The following SPOCD1 variants were observed in gnomAD, a reference collection of about 807,000 sequenced individuals.
SPOCD1 encodes SPOC domain containing 1, also known as SPOC domain-containing protein 1.
SPOCD1 carries 64 observed loss-of-function variants against 92.2 expected under a neutral mutation model. The observed-to-expected ratio is 0.69, with a 90% CI of 0.57 to 0.86. The LOEUF (loss-of-function observed/expected upper bound fraction) is 0.86. Among genes scored for constraint, SPOCD1 ranks in the 40% least tolerant of loss-of-function variants. The pLI is 0.00. For synonymous variants in SPOCD1, 578 were observed against 619.3 expected, an observed-to-expected ratio of 0.93 and a Z score of 0.99; for missense variants, 1,360 against 1,543.1, an observed-to-expected ratio of 0.88 and a Z score of 1.99.
chr1:31,803,032 G>GGGAAGAAGAGCAACA (rs58049037), intron 2 of SPOCD1, among the ~76,000 whole-genome samples: 99,051 of 149,338 alleles, frequency 0.66, 32,940 homozygotes, highest in South Asian at 0.72. Flanking sequence ...ACAGGGGTGT[G>GGGAAGAAGAGCAACA]GGAAGAATAT....
At chr1:31,806,013 G>A (rs1009595767) in intron 2 of SPOCD1, among the ~76,000 whole-genome samples, 6 of 151,858 alleles carry the variant, frequency 4.0e-5, no homozygotes, top group Non-Finnish European at 8.8e-5. Flanking sequence ...AAAATCATTA[G>A]AGGGCAAAGA....
At position 31,815,384 on chromosome 1, in the gene SPOCD1, C is replaced by G; in HGVS notation, c.-39-12G>C. ...GCACAACACGGGCCCTGTGTGGAGA[C>G]AGAAAGAGGAGACTTTGTCTTGGAG... On this transcript the variant is annotated splice_polypyrimidine_tract_variant and intron_variant, in intron 1 of 15. Transcript: ENST00000360482. The G allele has an allele frequency of 6.7e-7, 1 of 1,494,122 alleles. No individual in the cohort carries two copies. Among genetic ancestry groups the G allele is most frequent in the South Asian group, 1.4e-5 (1 of 70,118 alleles). 92.6% of individuals were successfully genotyped at this position (1,494,122 alleles called of 1,614,324 possible).
chr1:31,797,429 G>C (rs903812089), intron 9 of SPOCD1, among the ~76,000 whole-genome samples: 1 of 152,222 alleles, frequency 6.6e-6, no homozygotes, highest in Non-Finnish European at 1.5e-5. Flanking sequence ...CTTAGCAGTT[G>C]TTGAACAAAG....
At chr1:31,799,945 T>C in intron 5 of SPOCD1, 71 bp downstream of exon 5, 1 of 1,612,516 alleles carries the variant, frequency 6.2e-7, no homozygotes, top group Non-Finnish European at 8.5e-7. Context: ...TCTAGTCACC[T>C]CCCCACTCCC....
At position 31,807,116 on chromosome 1, in the gene SPOCD1, G is replaced by C. The variant is rs543884496; in HGVS notation, c.1384-5411C>G. Among the ~76,000 whole-genome samples, 239 of 151,120 alleles carry C rather than the reference G, an allele frequency of 1.6e-3. 1 individual carries two copies. Among genetic ancestry groups the C allele is most frequent in the African/African-American group, 4.5e-3 (187 of 41,276 alleles). On this transcript the variant is annotated intron_variant, in intron 2 of 15. Coordinates refer to ENST00000360482, the MANE Select transcript of SPOCD1 (RefSeq NM_144569.7). ...AAGAAATACACTCTTAGCCAGGCGT[G>C]GTGGCTCACGCCTGTAATCCCAGCA...
intron 10 of SPOCD1, 122 bp downstream of exon 10, chr1:31,796,468 C>CACAA: frequency 6.7e-7 from 1 of 1,493,640 alleles, no homozygotes; most frequent in Non-Finnish European, 9.2e-7. Context: ...CCCGTTTTAT[C>CACAA]ACAAACAAGG....
rs1649480191 is a variant in SPOCD1, at chr1:31,815,165, T to C, written c.169A>G (p.Arg57Gly). 1.2e-6 allele frequency: 2 copies of C among 1,607,532 alleles called. No homozygotes were observed. The highest frequency in any genetic ancestry group is 1.7e-6 in the Non-Finnish European group (2 of 1,174,972). The change falls in exon 2 of 16, where the codon AGG becomes GGG. Residue 57 changes from arginine (R) to glycine (G), a missense_variant. By Grantham distance (125) the Arg-to-Gly change is moderately radical. Transcript: ENST00000360482. Reference sequence around the variant, plus strand: ...AGGGCCTCCTTCCTGGGGATCTTCCTTCTGCTGCCAGCCCTGACTCCGGGC... The same window carrying C: ...AGGGCCTCCTTCCTGGGGATCTTCCCTCTGCTGCCAGCCCTGACTCCGGGC... ...SGPGVRAGSR[R>G]KIPRKEALRG...
At chr1:31,792,527 C>G (rs1647676041) in intron 14 of SPOCD1, 126 bp from the exon 15 acceptor site, 1 of 1,226,936 alleles carries the variant, frequency 8.2e-7, no homozygotes, top group Non-Finnish European at 1.1e-6. Flanking sequence ...GAGGAGGAAA[C>G]AGAGGGACCT....
At chr1:31,801,834 G>T in intron 2 of SPOCD1, 129 bp from the exon 3 acceptor site, 2 of 789,720 alleles carry the variant, frequency 2.5e-6, no homozygotes, top group Non-Finnish European at 4.4e-6. Flanking sequence ...TGTACTTACA[G>T]CAAAAAGTTG....
At position 31,799,445 on chromosome 1, in the gene SPOCD1, C is replaced by T. The variant is rs770006491; in HGVS notation, c.1824G>A (p.Val608=). 6.2e-7 allele frequency: 1 copy of T among 1,612,052 alleles called. No homozygotes were observed. Among genetic ancestry groups the T allele is most frequent in the Non-Finnish European group, 8.5e-7 (1 of 1,179,292 alleles). The change falls in exon 7 of 16, where the codon GTG becomes GTA. Residue 608 remains valine, a synonymous_variant. Coordinates refer to ENST00000360482, the MANE Select transcript of SPOCD1 (RefSeq NM_144569.7). ...GCATGGAACGGACAACAGTGCCCCG[C>T]ACCCCAATATACAGGGATGGCTTCT... is the stretch of plus-strand genomic sequence containing the variant. ...QQEKPSLYIG[V]RGTVVRSMQE... is the part of the protein sequence containing the mutation.
rs143924712 is a variant in SPOCD1 at position 31,798,375 on chromosome 1, C to T, written c.2029-52G>A. The T allele has an allele frequency of 5.9e-4, 934 of 1,594,954 alleles. 4 individuals carry two copies. The African/African-American group carries it at 0.011, about 18-fold the overall frequency. On this transcript the variant is annotated intron_variant, in intron 8 of 15. Transcript: ENST00000360482. The surrounding 1 kb of genome is among the most constrained non-coding windows in gnomAD (Gnocchi z 4.1). ...ACCACACGCTGAAAGAGCTCCCCCA[C>T]CCTAGCATCCTGCAGGGGCTCTGAG...
At chr1:31,804,684 C>G (rs1167043468) in intron 2 of SPOCD1, among the ~76,000 whole-genome samples, 2 of 79,394 alleles carry the variant, frequency 2.5e-5, no homozygotes, top group African/African-American at 4.3e-5. Context: ...AAAACAATCC[C>G]AGATAGATAA....
At chr1:31,797,340 G>A (rs1648098208) in intron 9 of SPOCD1, among the ~76,000 whole-genome samples, 1 of 152,238 alleles carries the variant, frequency 6.6e-6, no homozygotes, top group African/African-American at 2.4e-5. Context: ...GTGGGCATGA[G>A]ATCTGTGCAA....
rs1158932812 is a variant in SPOCD1, at chr1:31,814,769, G to A, written c.565C>T (p.Pro189Ser). The A allele has an allele frequency of 1.9e-6, 3 of 1,613,548 alleles. No homozygotes were observed. Among genetic ancestry groups the A allele is most frequent in the East Asian group, 2.2e-5 (1 of 44,874 alleles). Reference protein sequence around the residue: ...RRSPTLSKEEPPGRPLTSSPD... With the variant: ...RRSPTLSKEESPGRPLTSSPD... ...GAGGATGTCAGGGGCCTTCCAGGGG[G>A]CTCCTCTTTGCTGAGTGTGGGGCTT... The change falls in exon 2 of 16, where the codon CCC becomes TCC. Residue 189 changes from proline to serine, a missense_variant. Physicochemically the swap from Pro to Ser is moderately conservative, Grantham distance 74 (BLOSUM62 -1). Coordinates refer to ENST00000360482, the MANE Select transcript of SPOCD1 (RefSeq NM_144569.7). The surrounding 1 kb of genome is among the most constrained non-coding windows in gnomAD (Gnocchi z 4.2).
chr1:31,801,269 G>A (rs1165752383), intron 3 of SPOCD1, among the ~76,000 whole-genome samples: 1 of 152,220 alleles, frequency 6.6e-6, no homozygotes, highest in African/African-American at 2.4e-5. Flanking sequence ...AGCCTGGCAG[G>A]TGTACCTTTC....
At chr1:31,793,657 G>A (rs1647775104) in intron 12 of SPOCD1, 90 bp downstream of exon 12, 1 of 1,604,918 alleles carries the variant, frequency 6.2e-7, no homozygotes, top group African/African-American at 1.3e-5. Context: ...AGGCCACACA[G>A]GAAAAGCCAG....
chr1:31,790,879 T>C lies in SPOCD1; in HGVS notation c.3375A>G (p.Ser1125=). 1.9e-6 allele frequency: 3 copies of C among 1,579,190 alleles called. No homozygotes were observed. The highest frequency in any genetic ancestry group is 2.3e-5 in the South Asian group (2 of 85,480). The change falls in exon 16 of 16, where the codon TCA becomes TCG. Residue 1125 remains serine, a synonymous_variant. Transcript: ENST00000360482. ...PGLRQSQHPY[S]VAPAGHGFGR... is the part of the protein sequence containing the mutation. ...CAAAGCCATGACCAGCTGGTGCTACTGAATAGGGATGCTGGGACTGGCGCA... is the reference window on the plus strand; with the variant it reads ...CAAAGCCATGACCAGCTGGTGCTACCGAATAGGGATGCTGGGACTGGCGCA...
intron 2 of SPOCD1, among the ~76,000 whole-genome samples, chr1:31,813,634 T>G (rs1308844860): frequency 6.6e-6 from 1 of 152,150 alleles, no homozygotes; most frequent in Non-Finnish European, 1.5e-5. Flanking sequence ...ATTAGTATCC[T>G]TTTTTTACAA....
At position 31,814,093 on chromosome 1, in the gene SPOCD1, A is replaced by G; in HGVS notation, c.1241T>C (p.Met414Thr). ...AGTGCCCTTGGATCTTCTCTGCTCCATGAATGGGCCTGAGCAGGCCCTGCT... is the reference window on the plus strand; with the variant it reads ...AGTGCCCTTGGATCTTCTCTGCTCCGTGAATGGGCCTGAGCAGGCCCTGCT... ...EASRACSGPF[M>T]EQRRSKGTKN... The change falls in exon 2 of 16, where the codon ATG (methionine) becomes ACG (threonine). Residue 414 changes from methionine to threonine, a missense_variant. Met to Thr is a moderately conservative substitution (Grantham distance 81). Transcript: ENST00000360482. The surrounding 1 kb of genome is among the most constrained non-coding windows in gnomAD (Gnocchi z 4.2). The G allele has an allele frequency of 6.2e-7, 1 of 1,613,600 alleles. No individual in the cohort carries two copies. The highest frequency in any genetic ancestry group is 2.2e-5 in the East Asian group (1 of 44,874).
Sources: gnomAD v4.1 joint callset for allele counts (sites outside exome capture counted in the v4.1 genomes callset) on GRCh38, gnomAD v4.1.1 for gene constraint, Gnocchi (gnomAD v3.1) non-coding constraint, MANE v1.5 for transcripts, NCBI Gene and HGNC (gene_info 2026-07-23, HGNC 2026-07-21) for gene names.